The following KDM7A variants were observed in gnomAD, a reference collection of about 807,000 sequenced individuals.
KDM7A encodes lysine demethylase 7A.
KDM7A carries 28 observed loss-of-function variants against 114.8 expected under a neutral mutation model. The ratio of observed to expected loss-of-function variants is 0.24; its 90% CI spans 0.18 to 0.33. The LOEUF (loss-of-function observed/expected upper bound fraction) is 0.33, where lower values mean the gene tolerates loss of function less well. Among genes scored for constraint, KDM7A ranks in the 10% least tolerant of loss-of-function variants. The probability of loss-of-function intolerance (pLI) is 1.00; values close to 1 mark genes in which losing one functional copy is unlikely to be tolerated. For missense variants in KDM7A, 942 were observed against 1,142.5 expected (o/e 0.82, Z 2.53); for synonymous variants, 423 against 397.8 (o/e 1.06, Z -0.75).
intron 1 of KDM7A, among the ~76,000 whole-genome samples, chr7:140,164,102 G>A (rs547593030): frequency 1.3e-5 from 2 of 152,222 alleles, no homozygotes; most frequent in African/African-American, 4.8e-5. Flanking sequence ...GAAATTTTCG[G>A]GGATTTAGGG....
chr7:140,160,834 C>A (rs554787430), intron 1 of KDM7A, among the ~76,000 whole-genome samples: 1 of 152,270 alleles, frequency 6.6e-6, no homozygotes, highest in African/African-American at 2.4e-5. Flanking sequence ...TAGACTCCAG[C>A]GCTGACTACT....
At position 140,090,792 on chromosome 7, in the gene KDM7A, A is replaced by C; in HGVS notation, c.*302T>G. 3.0e-6 allele frequency: 1 copy of C among 330,730 alleles called. No homozygotes were observed. The highest frequency in any genetic ancestry group is 4.8e-5 in the East Asian group (1 of 20,910). The allele number at this position is 330,730 out of a possible 1,614,324, so 20.5% of individuals were successfully genotyped here. ...TTGATAATTCTTTACCCTACCACTG[A>C]AAATACATCAAGACACTACCAACAA... On this transcript the variant is annotated 3_prime_UTR_variant, in exon 20 of 20. Transcript: ENST00000397560.
intron 1 of KDM7A, among the ~76,000 whole-genome samples, chr7:140,143,111 C>T (rs1164870096): frequency 1.4e-5 from 2 of 145,626 alleles, no homozygotes; most frequent in Non-Finnish European, 3.0e-5. Flanking sequence ...ACTCGGGAGG[C>T]GGAGCTTGCA....
intron 6 of KDM7A, 40 bp downstream of exon 6, chr7:140,126,597 G>C (rs1413242425): frequency 7.5e-7 from 1 of 1,331,048 alleles, no homozygotes; most frequent in Admixed American, 2.2e-5. Context: ...AGGGCTATAT[G>C]TTTTTGTCAG....
intron 1 of KDM7A, among the ~76,000 whole-genome samples, chr7:140,166,085 A>G (rs1457248788): frequency 1.3e-5 from 2 of 152,128 alleles, no homozygotes; most frequent in Non-Finnish European, 2.9e-5. Context: ...TGTCATGGGT[A>G]TGTATATATA....
chr7:140,142,320 A>G (rs1794292643), intron 1 of KDM7A, among the ~76,000 whole-genome samples: 1 of 151,646 alleles, frequency 6.6e-6, no homozygotes, highest in Non-Finnish European at 1.5e-5. Flanking sequence ...TCATTAAACT[A>G]TAAAGAGTGA....
At chr7:140,114,821 C>G (rs1335355463) in intron 9 of KDM7A, among the ~76,000 whole-genome samples, 1 of 151,508 alleles carries the variant, frequency 6.6e-6, no homozygotes, top group African/African-American at 2.4e-5. Flanking sequence ...CCGGCCGCGA[C>G]CCCGTCTGGG....
chr7:140,144,407 G>A (rs778914442), intron 1 of KDM7A, among the ~76,000 whole-genome samples: 1 of 152,118 alleles, frequency 6.6e-6, no homozygotes, highest in Non-Finnish European at 1.5e-5. Flanking sequence ...TTGAAATAAA[G>A]CATGAGTAAG....
At chr7:140,118,764 G>A (rs1483583120) in intron 9 of KDM7A, among the ~76,000 whole-genome samples, 4 of 152,096 alleles carry the variant, frequency 2.6e-5, no homozygotes, top group Non-Finnish European at 4.4e-5. Flanking sequence ...ATAGGTAACA[G>A]TCTCTTGACA....
intron 1 of KDM7A, among the ~76,000 whole-genome samples, chr7:140,154,499 TAAAAAAAAAA>T (rs397974321): frequency 1.3e-5 from 1 of 74,318 alleles, no homozygotes; most frequent in African/African-American, 4.9e-5. Flanking sequence ...CTCTTAAAAT[TAAAAAAAAAA>T]AAAAAAAAAA....
chr7:140,156,522 C>G (rs1394122217), intron 1 of KDM7A, among the ~76,000 whole-genome samples: 1 of 152,140 alleles, frequency 6.6e-6, no homozygotes, highest in Non-Finnish European at 1.5e-5. Flanking sequence ...CATGGAAGCA[C>G]TGGTAAGTGA....
chr7:140,144,312 T>A (rs983725818), intron 1 of KDM7A, among the ~76,000 whole-genome samples: 1 of 152,178 alleles, frequency 6.6e-6, no homozygotes, highest in Admixed American at 6.5e-5. Context: ...CAAAAGAATG[T>A]GTTTGGACCT....
intron 2 of KDM7A, among the ~76,000 whole-genome samples, chr7:140,138,385 T>C (rs1004255436): frequency 1.2e-4 from 19 of 152,330 alleles, no homozygotes; most frequent in African/African-American, 4.6e-4. Context: ...TTTCAATGTA[T>C]TCTTCTGAAG....
chr7:140,093,995 G>A (rs912165608), intron 18 of KDM7A, 61 bp downstream of exon 18: 14 of 1,052,280 alleles, frequency 1.3e-5, no homozygotes, highest in Middle Eastern at 2.5e-4. Context: ...AAAAAAGAAA[G>A]CAAAAACAAC....
chr7:140,171,550 T>A (rs944007447), intron 1 of KDM7A, among the ~76,000 whole-genome samples: 1 of 132,230 alleles, frequency 7.6e-6, no homozygotes, highest in East Asian at 2.0e-4. Flanking sequence ...TTTATAAATA[T>A]ATATTTATTT....
chr7:140,139,569 T>C (rs934000877), intron 1 of KDM7A, among the ~76,000 whole-genome samples: 1 of 152,134 alleles, frequency 6.6e-6, no homozygotes, highest in Non-Finnish European at 1.5e-5. Flanking sequence ...ATTTGTGGGA[T>C]GAAGCACTTG....
chr7:140,135,213 T>TG (rs1188559432), intron 2 of KDM7A, among the ~76,000 whole-genome samples: 4 of 151,092 alleles, frequency 2.6e-5, no homozygotes, highest in African/African-American at 9.7e-5. Context: ...TCCTTTTTTT[T>TG]TTTTTTTTTG....
In KDM7A at chr7:140,129,525, G is replaced by A; in HGVS notation, c.527C>T (p.Thr176Ile). 1 of 1,613,506 alleles carries A rather than the reference G, an allele frequency of 6.2e-7. No individual in the cohort carries two copies. ...ACGTTCCACATCCATCACAGAAAAT[G>A]TAGGTGAAGGGAGCCTGAGTCCTAG... ...DDLGLRLPSP[T>I]FSVMDVERYV... Residue 176 changes from threonine (T) to isoleucine (I), a missense_variant, in exon 4 of 20, where the codon ACA becomes ATA. Physicochemically the swap from Thr to Ile is moderately conservative, Grantham distance 89. This residue lies in a region of KDM7A where 318 missense variants were observed against 453.1 expected (regional missense o/e 0.70). Transcript: ENST00000397560.
rs1274085390 is a variant in KDM7A, at chr7:140,155,700, T to C, written c.195-16510A>G. On this transcript the variant is annotated intron_variant, in intron 1 of 19. Coordinates refer to ENST00000397560, the MANE Select transcript of KDM7A (RefSeq NM_030647.2). The stretch of plus-strand genomic sequence containing the variant: ...AAGGAAGGAGATAAAACACCATCGA[T>C]AAATGGCCACTGGTGTGGGGCAATC... 1.2e-4 allele frequency among the ~76,000 whole-genome samples: 18 copies of C among 152,146 alleles called. 1 individual carries two copies. The highest frequency in any genetic ancestry group is 2.5e-4 in the Non-Finnish European group (17 of 68,030).
Sources: allele counts gnomAD v4.1 joint callset (sites outside exome capture counted in the v4.1 genomes callset), GRCh38; gene constraint gnomAD v4.1.1; regional missense constraint gnomAD v4.1.1; transcripts MANE v1.5; gene names NCBI Gene and HGNC (gene_info 2026-07-23, HGNC 2026-07-21).